Variants in MRPL3 observed in about 807,000 individuals in gnomAD.
MRPL3 encodes the protein mitochondrial ribosomal protein L3, also known as large ribosomal subunit protein uL3m.
In MRPL3, 43 loss-of-function variants were observed where a neutral mutation model predicts 44.3. The observed-to-expected ratio is 0.97, with a 90% CI of 0.76 to 1.25. The LOEUF is 1.25. MRPL3 is among the 50% of genes most tolerant of loss of function. The probability of loss-of-function intolerance (pLI) is 0.00; values close to 1 mark genes in which losing one functional copy is unlikely to be tolerated. For missense variants in MRPL3, 406 were observed against 427.6 expected (o/e 0.95, Z 0.45); for synonymous variants, 171 against 152.3 (o/e 1.12, Z -0.91).
chr3:131,501,827 G>A, intron 1 of MRPL3, 112 bp from the exon 2 acceptor site: 2 of 1,588,914 alleles, frequency 1.3e-6, no homozygotes, highest in Non-Finnish European at 8.5e-7. Context: ...TTGGGAAAGG[G>A]CTTGGATTCT....
intron 7 of MRPL3, 42 bp from the exon 8 acceptor site, chr3:131,469,815 A>AT: frequency 7.8e-7 from 1 of 1,280,142 alleles, no homozygotes; most frequent in Non-Finnish European, 1.1e-6. Context: ...AGTACTATCA[A>AT]TTTTAAACAG....
At chr3:131,474,648 C>T (rs1394392532) in intron 6 of MRPL3, among the ~76,000 whole-genome samples, 5 of 152,042 alleles carry the variant, frequency 3.3e-5, no homozygotes, top group Admixed American at 2.0e-4. Flanking sequence ...TCAACTTGTA[C>T]CCCATAAATA....
chr3:131,477,167 T>C lies in MRPL3; in HGVS notation c.630-5888A>G, dbSNP rs960972. Among the ~76,000 whole-genome samples the C allele has an allele frequency of 2.6e-3, 396 of 152,324 alleles. 1 individual carries two copies. The highest frequency in any genetic ancestry group is 9.1e-3 in the African/African-American group (380 of 41,580). On this transcript the variant is annotated intron_variant, in intron 6 of 9. Coordinates refer to ENST00000264995, the MANE Select transcript of MRPL3 (RefSeq NM_007208.4). Reference sequence around the variant, plus strand: ...TTACTTTGTGAGAAACTGCCTTTCATTGCATGATTCTGGATATACTTGTCT... The same window carrying C: ...TTACTTTGTGAGAAACTGCCTTTCACTGCATGATTCTGGATATACTTGTCT...
At chr3:131,477,511 T>C (rs552436185) in intron 6 of MRPL3, among the ~76,000 whole-genome samples, 2 of 152,364 alleles carry the variant, frequency 1.3e-5, no homozygotes, top group African/African-American at 2.4e-5. Context: ...CAGTTTTTTA[T>C]TATGGAAGTT....
At chr3:131,474,024 A>G (rs1933798370) in intron 6 of MRPL3, among the ~76,000 whole-genome samples, 1 of 152,166 alleles carries the variant, frequency 6.6e-6, no homozygotes, top group East Asian at 1.9e-4. Flanking sequence ...TAAAAATATG[A>G]CGACCATATG....
chr3:131,502,919 TG>T lies in MRPL3; in HGVS notation c.-99del. 1.7e-6 allele frequency: 2 copies of T among 1,199,546 alleles called. No individual in the cohort carries two copies. Among genetic ancestry groups the T allele is most frequent in the Non-Finnish European group, 2.4e-6 (2 of 828,336 alleles). The allele number at this position is 1,199,546 out of a possible 1,614,324, so 74.3% of individuals were successfully genotyped here. A position where few individuals can be genotyped will look rare whatever the true frequency, so the allele number is the denominator to read the frequency against. On this transcript the variant is annotated 5_prime_UTR_variant, in exon 1 of 10. Coordinates refer to ENST00000264995, the MANE Select transcript of MRPL3 (RefSeq NM_007208.4). ...CACCGCCACGTGGACGCAGTAGCCG[TG>T]GGGAAGTTTTCGCAATGGCCGCCGG...
chr3:131,500,612 A>G, intron 2 of MRPL3, 91 bp from the exon 3 acceptor site: 1 of 1,007,968 alleles, frequency 9.9e-7, no homozygotes, highest in South Asian at 1.3e-5. Flanking sequence ...AGGTTTCCGT[A>G]TGAGGAGCAG....
chr3:131,465,980 T>G (rs1192297262), intron 9 of MRPL3, among the ~76,000 whole-genome samples: 1 of 149,730 alleles, frequency 6.7e-6, no homozygotes, highest in African/African-American at 2.5e-5. Context: ...CACTGCAGCC[T>G]CCAACTCCTG....
intron 5 of MRPL3, among the ~76,000 whole-genome samples, 162 bp from the exon 6 acceptor site, chr3:131,487,902 A>G (rs553447346): frequency 1.9e-4 from 29 of 152,316 alleles, no homozygotes; most frequent in Admixed American, 3.3e-4. Context: ...TATTCAACAA[A>G]TATGTCTTTT....
intron 6 of MRPL3, among the ~76,000 whole-genome samples, chr3:131,479,793 C>T (rs745546771): frequency 5.9e-5 from 9 of 152,172 alleles, no homozygotes; most frequent in Non-Finnish European, 8.8e-5. Flanking sequence ...TGCAGTAAGC[C>T]GAGATCGCGC....
intron 6 of MRPL3, among the ~76,000 whole-genome samples, chr3:131,477,041 T>C (rs992035985): frequency 6.6e-6 from 1 of 152,246 alleles, no homozygotes; most frequent in Admixed American, 6.5e-5. Flanking sequence ...TCTATAAATC[T>C]CTAGAGATTC....
At position 131,462,692 on chromosome 3, in the gene MRPL3, A is replaced by C. The variant is rs1284898171; in HGVS notation, c.*31T>G. 6.3e-7 allele frequency: 1 copy of C among 1,579,974 alleles called. No individual in the cohort carries two copies. On this transcript the variant is annotated 3_prime_UTR_variant, in exon 10 of 10. Coordinates refer to ENST00000264995, the MANE Select transcript of MRPL3 (RefSeq NM_007208.4). ...CACTCTGGCTCATCGAAGCTCACAGAATATGTAAGGTTCTGCCACGTCCAA... is the reference window on the plus strand; with the variant it reads ...CACTCTGGCTCATCGAAGCTCACAGCATATGTAAGGTTCTGCCACGTCCAA...
chr3:131,462,484 G>C lies in MRPL3; in HGVS notation c.*239C>G. ...CGAGTCCACAAATTAAGAATATTTT[G>C]CTAATATGCCCAACACCAATTTCAG... On this transcript the variant is annotated 3_prime_UTR_variant, in exon 10 of 10. Coordinates refer to ENST00000264995, the MANE Select transcript of MRPL3 (RefSeq NM_007208.4). 1 of 339,056 alleles carries C rather than the reference G, an allele frequency of 2.9e-6. No homozygotes were observed. Among genetic ancestry groups the C allele is most frequent in the African/African-American group, 2.1e-5 (1 of 47,372 alleles). 21.0% of individuals were successfully genotyped at this position (339,056 alleles called of 1,614,324 possible).
At chr3:131,499,971 G>C (rs1249212510) in intron 3 of MRPL3, among the ~76,000 whole-genome samples, 1 of 152,154 alleles carries the variant, frequency 6.6e-6, no homozygotes, top group Non-Finnish European at 1.5e-5. Flanking sequence ...TGCAACTCAG[G>C]TATTCTGGTC....
At chr3:131,464,074 A>G (rs570568507) in intron 9 of MRPL3, among the ~76,000 whole-genome samples, 1 of 152,160 alleles carries the variant, frequency 6.6e-6, no homozygotes, top group African/African-American at 2.4e-5. Flanking sequence ...TGTCCCCCCA[A>G]TCCATTAATC....
At chr3:131,480,800 TCTA>T (rs750721744) in intron 6 of MRPL3, among the ~76,000 whole-genome samples, 4 of 152,254 alleles carry the variant, frequency 2.6e-5, no homozygotes, top group Non-Finnish European at 4.4e-5. Flanking sequence ...GAGCTATGAA[TCTA>T]CTGTCATGTA....
chr3:131,499,495 C>A (rs1934447131), intron 3 of MRPL3, among the ~76,000 whole-genome samples: 1 of 152,184 alleles, frequency 6.6e-6, no homozygotes, highest in Non-Finnish European at 1.5e-5. Flanking sequence ...CCCCTGCCCC[C>A]GCCAGTTTCT....
chr3:131,502,559 A>T (rs1934521810), intron 1 of MRPL3, among the ~76,000 whole-genome samples, 171 bp downstream of exon 1: 1 of 152,030 alleles, frequency 6.6e-6, no homozygotes. Flanking sequence ...AAAAATCACC[A>T]CTTCAATCCC....
Position 131,462,721 on chromosome 3 carries a change from T to C in MRPL3, c.*2A>G, listed in dbSNP as rs780359573. 5.0e-6 allele frequency: 8 copies of C among 1,610,530 alleles called. No individual in the cohort carries two copies. The highest frequency in any genetic ancestry group is 1.3e-5 in the African/African-American group (1 of 74,926). On this transcript the variant is annotated 3_prime_UTR_variant, in exon 10 of 10. Coordinates refer to ENST00000264995, the MANE Select transcript of MRPL3 (RefSeq NM_007208.4). ...TGTAAGGTTCTGCCACGTCCAAAGA[T>C]GTTAGGCAAATGTAATAGAAGGCGC...
Sources: allele counts gnomAD v4.1 joint callset (sites outside exome capture counted in the v4.1 genomes callset), GRCh38; gene constraint gnomAD v4.1.1; transcripts MANE v1.5; gene names NCBI Gene and HGNC (gene_info 2026-07-23, HGNC 2026-07-21).